Variants in RIDA observed in about 807,000 individuals in gnomAD.
The protein encoded by RIDA is 2-iminobutanoate/2-iminopropanoate deaminase.
A neutral mutation model predicts 17.8 loss-of-function variants in RIDA; 17 were observed. That is an observed-to-expected ratio of 0.96 (90% CI 0.65 to 1.43). RIDA has a LOEUF of 1.43. RIDA is among the 40% of genes most tolerant of loss of function. The pLI is 0.00. For synonymous variants in RIDA, 48 were observed against 55.7 expected (o/e 0.86, Z 0.62); for missense variants, 158 against 161.7 (o/e 0.98, Z 0.12).
chr8:98,113,513 G>A (rs1815758123), intron 1 of RIDA: 1 of 151,966 alleles, frequency 6.6e-6, no homozygotes, highest in Non-Finnish European at 1.5e-5. Flanking sequence ...GAGGCACAAT[G>A]TCCTGGAAGT....
At position 98,104,480 on chromosome 8, in the gene RIDA, T is replaced by G. The variant is rs762265538; in HGVS notation, c.351+9A>C. On this transcript the variant is annotated intron_variant, in intron 5 of 5. Coordinates refer to ENST00000254878, the MANE Select transcript of RIDA (RefSeq NM_005836.3). ...AACTGTGTACATTAGTCATTTAAAG[T>G]GTACTTACTTTGGGTAAAGCAGCAA... 3.3e-6 allele frequency: 5 copies of G among 1,510,792 alleles called. No individual in the cohort carries two copies. The highest frequency in any genetic ancestry group is 4.6e-6 in the Non-Finnish European group (5 of 1,086,970). The allele number at this position is 1,510,792 out of a possible 1,614,324, so 93.6% of individuals were successfully genotyped here.
At chr8:98,103,179 TAGA>T (rs1815584220) in intron 5 of RIDA, among the ~76,000 whole-genome samples, 1 of 152,152 alleles carries the variant, frequency 6.6e-6, no homozygotes, top group Admixed American at 6.6e-5. Flanking sequence ...TGCTGAAGTG[TAGA>T]AGGAGTAATT....
At position 98,105,386 on chromosome 8, in the gene RIDA, C is replaced by T. The variant is rs141941632; in HGVS notation, c.295+552G>A. Among the ~76,000 whole-genome samples, 143 of 152,098 alleles carry T rather than the reference C, an allele frequency of 9.4e-4. 1 individual carries two copies. Among genetic ancestry groups the T allele is most frequent in the African/African-American group, 3.2e-3 (131 of 41,492 alleles). ...TTAGGTGTTGGGGACACCAATTTTC[C>T]CTACTATAACATCAATGTTAATAAT... is the stretch of plus-strand genomic sequence containing the variant. On this transcript the variant is annotated intron_variant, in intron 4 of 5. Coordinates refer to ENST00000254878, the MANE Select transcript of RIDA (RefSeq NM_005836.3).
In RIDA at chr8:98,117,091, C is replaced by T. The variant is rs2130561862; in HGVS notation, c.6G>A (p.Ser2=). The change falls in exon 1 of 6, where the codon TCG becomes TCA. Residue 2 remains serine (S), a synonymous_variant. Coordinates refer to ENST00000254878, the MANE Select transcript of RIDA (RefSeq NM_005836.3). M[S]SLIRRVISTA... ...TGCTGATCACCCTTCTGATCAAGGACGACATGGCTAAGCCTTCCCTCTTGC... is the reference window on the plus strand; with the variant it reads ...TGCTGATCACCCTTCTGATCAAGGATGACATGGCTAAGCCTTCCCTCTTGC... 3 of 1,614,132 alleles carry T rather than the reference C, an allele frequency of 1.9e-6. No homozygotes were observed. Among genetic ancestry groups the T allele is most frequent in the Admixed American group, 1.7e-5 (1 of 60,036 alleles).
At chr8:98,105,800 G>A (rs1233485760) in intron 4 of RIDA, 138 bp downstream of exon 4, 2 of 582,340 alleles carry the variant, frequency 3.4e-6, no homozygotes, top group Non-Finnish European at 6.1e-6. Context: ...TTTCCAATCA[G>A]ATTATTAATT....
At chr8:98,108,553 TC>T in intron 2 of RIDA, 92 bp downstream of exon 2, 1 of 790,840 alleles carries the variant, frequency 1.3e-6, no homozygotes, top group Non-Finnish European at 2.2e-6. Flanking sequence ...TCTGTTAATC[TC>T]TATAAAACAA....
chr8:98,107,656 G>A (rs1815650130), intron 2 of RIDA, among the ~76,000 whole-genome samples: 1 of 152,152 alleles, frequency 6.6e-6, no homozygotes, highest in African/African-American at 2.4e-5. Flanking sequence ...GGAGTGCAGT[G>A]GCACGATCTT....
intron 1 of RIDA, 41 bp downstream of exon 1, chr8:98,116,991 G>A: frequency 6.5e-7 from 1 of 1,549,138 alleles, no homozygotes; most frequent in African/African-American, 1.4e-5. Flanking sequence ...CCCCGAACCC[G>A]CACGCCCTGG....
chr8:98,114,903 C>A (rs573593341), intron 1 of RIDA, among the ~76,000 whole-genome samples: 1 of 142,434 alleles, frequency 7.0e-6, no homozygotes, highest in African/African-American at 2.6e-5. Flanking sequence ...TTTTTTTTTT[C>A]AATCTACACC....
intron 5 of RIDA, among the ~76,000 whole-genome samples, 165 bp downstream of exon 5, chr8:98,104,324 C>T (rs186499166): frequency 2.1e-4 from 32 of 152,168 alleles, no homozygotes; most frequent in Admixed American, 7.9e-4. Flanking sequence ...TGGCCTCAAG[C>T]GATCCTCCTG....
intron 1 of RIDA, among the ~76,000 whole-genome samples, chr8:98,114,047 A>G (rs1338007837): frequency 6.6e-6 from 1 of 152,332 alleles, no homozygotes; most frequent in Admixed American, 6.5e-5. Flanking sequence ...TACAAAAATT[A>G]TCTGGGCATG....
chr8:98,107,816 C>G (rs1815653603), intron 2 of RIDA, among the ~76,000 whole-genome samples: 1 of 151,044 alleles, frequency 6.6e-6, no homozygotes, highest in East Asian at 2.0e-4. Context: ...GTTGCCCAGG[C>G]TAGAGTGGAG....
intron 2 of RIDA, 79 bp downstream of exon 2, chr8:98,108,567 C>T (rs1424357782): frequency 7.3e-6 from 6 of 824,614 alleles, no homozygotes; most frequent in Admixed American, 5.9e-5. Flanking sequence ...TAAAACAAAT[C>T]AGGCAAGTGG....
chr8:98,105,875 TTAA>T lies in RIDA; in HGVS notation c.295+60_295+62del, dbSNP rs1327103861. ...ACTCTTAATTCATAATGCACATTCA[TTAA>T]TGTGACCAGATTTCTTTCTTTTTAA... On this transcript the variant is annotated intron_variant, in intron 4 of 5. Transcript: ENST00000254878. 5 of 989,204 alleles carry T rather than the reference TTAA, an allele frequency of 5.1e-6. No homozygotes were observed. The African/African-American group carries it at 8.0e-5, about 16-fold the overall frequency. The allele number at this position is 989,204 out of a possible 1,614,324, so 61.3% of individuals were successfully genotyped here. A position where few individuals can be genotyped will look rare whatever the true frequency, so the allele number is the denominator to read the frequency against.
At chr8:98,113,512 T>C (rs779631597) in intron 1 of RIDA, 1 of 152,110 alleles carries the variant, frequency 6.6e-6, no homozygotes, top group Non-Finnish European at 1.5e-5. Context: ...AGAGGCACAA[T>C]GTCCTGGAAG....
At chr8:98,109,490 G>T (rs1252579525) in intron 1 of RIDA, among the ~76,000 whole-genome samples, 1 of 152,146 alleles carries the variant, frequency 6.6e-6, no homozygotes, top group Non-Finnish European at 1.5e-5. Context: ...CAATGATGGG[G>T]AGCAACCCTC....
Position 98,117,026 on chromosome 8 carries a change from C to T in RIDA, c.65+6G>A, listed in dbSNP as rs751610574. 1.2e-6 allele frequency: 2 copies of T among 1,612,480 alleles called. No homozygotes were observed. The highest frequency in any genetic ancestry group is 1.1e-5 in the South Asian group (1 of 91,040). The stretch of plus-strand genomic sequence containing the variant: ...GGTCCGACACAGCTTCCACCAGCCA[C>T]GTTACCTGTAGGGTCCAATGGCCCC... On this transcript the variant is annotated splice_donor_region_variant and intron_variant, in intron 1 of 5. Transcript: ENST00000254878.
chr8:98,107,663 T>C (rs1243868776), intron 2 of RIDA, among the ~76,000 whole-genome samples: 2 of 152,194 alleles, frequency 1.3e-5, no homozygotes, highest in African/African-American at 4.8e-5. Flanking sequence ...AGTGGCACGA[T>C]CTTGGCTTCC....
intron 4 of RIDA, among the ~76,000 whole-genome samples, chr8:98,105,157 C>T (rs1375161422): frequency 1.4e-5 from 2 of 142,282 alleles, no homozygotes; most frequent in African/African-American, 2.6e-5. Flanking sequence ...AATACATACC[C>T]TAACATTTTG....
Sources: allele counts gnomAD v4.1 joint callset (sites outside exome capture counted in the v4.1 genomes callset), GRCh38; gene constraint gnomAD v4.1.1; transcripts MANE v1.5; gene names NCBI Gene and HGNC (gene_info 2026-07-23, HGNC 2026-07-21).